The following FAM135A variants were observed in gnomAD, a reference collection of about 807,000 sequenced individuals.
FAM135A encodes family with sequence similarity 135 member A.
In FAM135A, 79 loss-of-function variants were observed where a neutral mutation model predicts 146.8. That is an observed-to-expected ratio of 0.54 (90% CI 0.45 to 0.65). The LOEUF is 0.65. Among genes scored for constraint, FAM135A ranks in the 30% least tolerant of loss-of-function variants. The pLI is 0.00. For missense variants in FAM135A, 1,623 were observed against 1,758.2 expected, an observed-to-expected ratio of 0.92 and a Z score of 1.38; for synonymous variants, 562 against 603.6, an observed-to-expected ratio of 0.93 and a Z score of 1.01.
chr6:70,533,341 T>C, intron 17 of FAM135A, 90 bp downstream of exon 17: 1 of 786,958 alleles, frequency 1.3e-6, no homozygotes, highest in East Asian at 2.7e-5. Flanking sequence ...CCTGTAATAG[T>C]AGAAATAATT....
chr6:70,444,858 A>G (rs992864231), intron 4 of FAM135A, among the ~76,000 whole-genome samples: 1 of 152,190 alleles, frequency 6.6e-6, no homozygotes, highest in African/African-American at 2.4e-5. Flanking sequence ...AAAATTTTTT[A>G]ACAGTTTATT....
chr6:70,526,766 TAC>T (rs71538422), intron 15 of FAM135A, 68 bp downstream of exon 15: 100,727 of 432,568 alleles, frequency 0.23, 2,360 homozygotes, highest in African/African-American at 0.31. Context: ...CACACACACA[TAC>T]ACACACACAC....
intron 10 of FAM135A, chr6:70,486,366 T>C (rs571372058): frequency 8.9e-5 from 67 of 755,256 alleles, no homozygotes; most frequent in Non-Finnish European, 1.3e-4. Flanking sequence ...TCCACCATTC[T>C]GAAGAACTTA....
At chr6:70,531,493 A>G (rs1000834461) in intron 16 of FAM135A, among the ~76,000 whole-genome samples, 11 of 152,316 alleles carry the variant, frequency 7.2e-5, no homozygotes, top group Admixed American at 7.2e-4. Context: ...TGGTTTTGAC[A>G]CCCATTGAGT....
chr6:70,498,951 G>T (rs543215428), intron 11 of FAM135A, among the ~76,000 whole-genome samples: 97 of 152,304 alleles, frequency 6.4e-4, no homozygotes, highest in African/African-American at 2.2e-3. Flanking sequence ...TGTATATTCT[G>T]TTGATTTGGG....
intron 5 of FAM135A, among the ~76,000 whole-genome samples, chr6:70,462,341 G>A (rs1325622016): frequency 6.6e-6 from 1 of 152,192 alleles, no homozygotes; most frequent in East Asian, 1.9e-4. Flanking sequence ...TTTCTGGGCA[G>A]ATTATCAGAA....
chr6:70,512,241 G>A (rs896014920), intron 12 of FAM135A, among the ~76,000 whole-genome samples: 7 of 151,814 alleles, frequency 4.6e-5, no homozygotes, highest in East Asian at 1.9e-4. Flanking sequence ...TTTCTTTATC[G>A]TTGAGTAGTA....
chr6:70,547,447 CTTT>C (rs1799052266), intron 20 of FAM135A, among the ~76,000 whole-genome samples: 3 of 152,116 alleles, frequency 2.0e-5, no homozygotes, highest in Admixed American at 2.0e-4. Flanking sequence ...CTGGAGAATT[CTTT>C]GTTTTCAGGG....
chr6:70,442,154 T>G (rs1281993012), intron 4 of FAM135A, among the ~76,000 whole-genome samples: 2 of 152,016 alleles, frequency 1.3e-5, no homozygotes, highest in Non-Finnish European at 2.9e-5. Flanking sequence ...TATGTATGTG[T>G]GTGGACATTT....
chr6:70,491,370 G>C (rs1785942547), intron 11 of FAM135A, among the ~76,000 whole-genome samples: 1 of 151,796 alleles, frequency 6.6e-6, no homozygotes, highest in Admixed American at 6.6e-5. Context: ...TCAATTTCTG[G>C]ACACATTTTT....
At chr6:70,554,174 AAAGT>A (rs144486165) in intron 20 of FAM135A, among the ~76,000 whole-genome samples, 3,215 of 152,284 alleles carry the variant, frequency 0.021, 105 homozygotes, top group African/African-American at 0.073. Flanking sequence ...GCCTGAAAAC[AAAGT>A]AAGTTTTGTT....
At chr6:70,488,818 T>C (rs1379176244) in intron 10 of FAM135A, among the ~76,000 whole-genome samples, 1 of 152,174 alleles carries the variant, frequency 6.6e-6, no homozygotes, top group African/African-American at 2.4e-5. Context: ...AAAATACTTG[T>C]GTATAAGTGC....
At chr6:70,555,060 G>A (rs922156835) in intron 20 of FAM135A, among the ~76,000 whole-genome samples, 2 of 152,140 alleles carry the variant, frequency 1.3e-5, no homozygotes, top group Admixed American at 6.5e-5. Context: ...AAACAGTCAA[G>A]TCAAATTGAC....
At chr6:70,494,684 A>T (rs1786813218) in intron 11 of FAM135A, among the ~76,000 whole-genome samples, 1 of 152,134 alleles carries the variant, frequency 6.6e-6, no homozygotes, top group African/African-American at 2.4e-5. Flanking sequence ...CTGTGCTTCA[A>T]GGATGCTTTT....
chr6:70,512,943 A>G (rs1791367918), intron 12 of FAM135A, among the ~76,000 whole-genome samples: 1 of 151,572 alleles, frequency 6.6e-6, no homozygotes, highest in South Asian at 2.1e-4. Flanking sequence ...ATCTTGAATT[A>G]ATTTTTTAAT....
intron 2 of FAM135A, among the ~76,000 whole-genome samples, chr6:70,422,023 C>T (rs1002293570): frequency 6.6e-6 from 1 of 152,216 alleles, no homozygotes; most frequent in South Asian, 2.1e-4. Context: ...TCATAAGTGG[C>T]GTTAAGAATC....
At chr6:70,552,635 A>ATT (rs2128490628) in intron 20 of FAM135A, among the ~76,000 whole-genome samples, 1 of 151,842 alleles carries the variant, frequency 6.6e-6, no homozygotes, top group East Asian at 1.9e-4. Flanking sequence ...TGCCCAGCTA[A>ATT]TTTTTTGTAT....
chr6:70,541,459 T>C (rs1260810983), intron 20 of FAM135A, among the ~76,000 whole-genome samples: 5 of 152,196 alleles, frequency 3.3e-5, no homozygotes, highest in African/African-American at 1.2e-4. Flanking sequence ...CCTTTCTCCA[T>C]TTTTGTGGGA....
At chr6:70,506,173 A>G (rs1395699397) in intron 12 of FAM135A, among the ~76,000 whole-genome samples, 1 of 152,182 alleles carries the variant, frequency 6.6e-6, no homozygotes, top group African/African-American at 2.4e-5. Flanking sequence ...AGTGATGTTG[A>G]TAAGCATTAA....
Sources: gnomAD v4.1 joint callset for allele counts (sites outside exome capture counted in the v4.1 genomes callset) on GRCh38, gnomAD v4.1.1 for gene constraint, MANE v1.5 for transcripts, NCBI Gene and HGNC (gene_info 2026-07-23, HGNC 2026-07-21) for gene names.